Variants in CSMD1 observed in about 807,000 individuals in gnomAD.
The protein encoded by CSMD1 is CUB and sushi domain-containing protein 1.
In CSMD1, 213 loss-of-function variants were observed where a neutral mutation model predicts 417.5. The observed-to-expected ratio is 0.51, with a 90% CI of 0.46 to 0.57. CSMD1 has a LOEUF of 0.57. Ranked by LOEUF, CSMD1 falls within the 20% of genes least tolerant of loss-of-function variation. The pLI is 0.00. For missense variants in CSMD1, 6,923 were observed against 4,529.7 expected (o/e 1.53, Z -15.17); for synonymous variants, 2,862 against 1,736.8 (o/e 1.65, Z -16.11).
intron 3 of CSMD1, among the ~76,000 whole-genome samples, chr8:4,239,608 G>A (rs954018061): frequency 1.1e-4 from 17 of 152,142 alleles, no homozygotes; most frequent in Admixed American, 8.5e-4. Flanking sequence ...TCTCTTAGAA[G>A]GCATTTCCAC....
chr8:3,836,452 T>C (rs1007642509), intron 5 of CSMD1, among the ~76,000 whole-genome samples: 3 of 152,136 alleles, frequency 2.0e-5, no homozygotes, highest in African/African-American at 7.2e-5. Flanking sequence ...TCTGCATTAA[T>C]AGGGAAACTG....
At chr8:4,070,824 C>A (rs1187743466) in intron 3 of CSMD1, among the ~76,000 whole-genome samples, 1 of 152,210 alleles carries the variant, frequency 6.6e-6, no homozygotes, top group African/African-American at 2.4e-5. Flanking sequence ...CACCCTCATT[C>A]TTGAAGGTTG....
At chr8:4,387,312 C>A (rs1456494248) in intron 3 of CSMD1, among the ~76,000 whole-genome samples, 4 of 151,904 alleles carry the variant, frequency 2.6e-5, no homozygotes, top group Admixed American at 2.6e-4. Context: ...GATAGTAATT[C>A]CTGAAACAAT....
intron 1 of CSMD1, among the ~76,000 whole-genome samples, chr8:4,719,213 G>C (rs1467406543): frequency 6.6e-6 from 1 of 152,194 alleles, no homozygotes; most frequent in Non-Finnish European, 1.5e-5. Context: ...GGGGAGACTA[G>C]ATGGCACACA....
chr8:4,439,877 C>A (rs1247016834), intron 2 of CSMD1, among the ~76,000 whole-genome samples: 3 of 151,958 alleles, frequency 2.0e-5, no homozygotes, highest in Non-Finnish European at 4.4e-5. Context: ...TAATGAGATC[C>A]CAAAAGAGAA....
At chr8:4,964,270 T>G (rs1315439051) in intron 1 of CSMD1, among the ~76,000 whole-genome samples, 3 of 151,602 alleles carry the variant, frequency 2.0e-5, no homozygotes, top group South Asian at 2.1e-4. Flanking sequence ...TCCCAGCAGT[T>G]TGGGAGGCAA....
At chr8:4,714,032 C>A (rs1808483369) in intron 1 of CSMD1, among the ~76,000 whole-genome samples, 1 of 152,046 alleles carries the variant, frequency 6.6e-6, no homozygotes, top group Non-Finnish European at 1.5e-5. Flanking sequence ...GTAATCCCAG[C>A]TACTCGGGAG....
intron 40 of CSMD1, among the ~76,000 whole-genome samples, chr8:3,144,779 G>A (rs967885241): frequency 2.3e-5 from 3 of 131,160 alleles, no homozygotes; most frequent in Non-Finnish European, 3.2e-5. Context: ...AAAAAAGGGA[G>A]AGAAAGAGGC....
intron 2 of CSMD1, among the ~76,000 whole-genome samples, chr8:4,442,460 A>C (rs1244040451): frequency 1.3e-5 from 2 of 152,168 alleles, no homozygotes; most frequent in Non-Finnish European, 2.9e-5. Flanking sequence ...ATCTACTTAC[A>C]TGCTTATCTA....
rs576712661 is a variant in CSMD1, at chr8:4,776,113, C to T, written c.86-138555G>A. Among the ~76,000 whole-genome samples, 94 of 152,146 alleles carry T rather than the reference C, an allele frequency of 6.2e-4. 2 individuals carry two copies. In the Middle Eastern group the frequency reaches 0.017, roughly 28 times the overall value. ...AGAAGCAGGCACCGGCCCAGATTGC[C>T]AGGACAATCACAGATGATCCAGAAC... On this transcript the variant is annotated intron_variant, in intron 1 of 69. Coordinates refer to ENST00000635120, the MANE Select transcript of CSMD1 (RefSeq NM_033225.6).
At chr8:4,753,132 G>A (rs1811440410) in intron 1 of CSMD1, among the ~76,000 whole-genome samples, 1 of 152,082 alleles carries the variant, frequency 6.6e-6, no homozygotes, top group African/African-American at 2.4e-5. Flanking sequence ...GAAAAGCGAG[G>A]CTTAGAAAGC....
intron 1 of CSMD1, among the ~76,000 whole-genome samples, chr8:4,738,368 C>A (rs1465613365): frequency 2.6e-5 from 4 of 152,106 alleles, no homozygotes; most frequent in African/African-American, 9.7e-5. Flanking sequence ...TCAATCGTAG[C>A]AAAAGGGCAG....
intron 50 of CSMD1, among the ~76,000 whole-genome samples, chr8:3,038,807 T>C (rs1810874849): frequency 6.6e-6 from 1 of 152,182 alleles, no homozygotes; most frequent in Admixed American, 6.5e-5. Context: ...TTGATTATGA[T>C]GAAGACGACC....
At chr8:3,177,695 G>A (rs909968628) in intron 37 of CSMD1, among the ~76,000 whole-genome samples, 3 of 152,104 alleles carry the variant, frequency 2.0e-5, no homozygotes, top group African/African-American at 7.2e-5. Context: ...CAGTCTCGGG[G>A]CCCGTGTGTT....
chr8:3,760,442 T>C (rs1042753055), intron 5 of CSMD1, among the ~76,000 whole-genome samples: 3 of 152,196 alleles, frequency 2.0e-5, no homozygotes, highest in African/African-American at 4.8e-5. Flanking sequence ...GGCCAGTCTG[T>C]TTCATTTTCT....
chr8:4,730,648 G>A (rs1335748772), intron 1 of CSMD1, among the ~76,000 whole-genome samples: 1 of 152,100 alleles, frequency 6.6e-6, no homozygotes, highest in Non-Finnish European at 1.5e-5. Context: ...GGCTGAGACA[G>A]GAGAATGGTG....
intron 5 of CSMD1, among the ~76,000 whole-genome samples, chr8:3,920,490 A>T (rs1328536328): frequency 6.6e-6 from 1 of 151,980 alleles, no homozygotes; most frequent in Admixed American, 6.6e-5. Flanking sequence ...TTCCTAATTG[A>T]TCTGGCTAGG....
intron 1 of CSMD1, among the ~76,000 whole-genome samples, chr8:4,977,512 C>T (rs1022057204): frequency 2.6e-5 from 4 of 152,154 alleles, no homozygotes; most frequent in East Asian, 1.9e-4. Context: ...GGCATGAAAA[C>T]GTAAATTCAC....
intron 2 of CSMD1, among the ~76,000 whole-genome samples, chr8:4,519,065 G>T (rs1359006319): frequency 2.6e-5 from 4 of 152,074 alleles, no homozygotes; most frequent in Non-Finnish European, 5.9e-5. Flanking sequence ...TTTAGAACAA[G>T]AGTCCATTCC....
Sources: gnomAD v4.1 joint callset for allele counts (sites outside exome capture counted in the v4.1 genomes callset) on GRCh38, gnomAD v4.1.1 for gene constraint, MANE v1.5 for transcripts, NCBI Gene and HGNC (gene_info 2026-07-23, HGNC 2026-07-21) for gene names.